Variants in CDK5RAP2 observed in about 807,000 individuals in gnomAD.
The protein encoded by CDK5RAP2 is CDK5 regulatory subunit-associated protein 2.
CDK5RAP2 carries 147 observed loss-of-function variants against 232.9 expected under a neutral mutation model. The observed-to-expected ratio is 0.63, with a 90% confidence interval of 0.55 to 0.72. CDK5RAP2 has a LOEUF of 0.72. Among genes scored for constraint, CDK5RAP2 ranks in the 30% least tolerant of loss-of-function variants. CDK5RAP2 has a pLI of 0.00. For missense variants in CDK5RAP2, 2,195 were observed against 2,231.5 expected (o/e 0.98, Z 0.33); for synonymous variants, 833 against 833.7 (o/e 1.00, Z 0.01).
chr9:120,468,672 G>A (rs2037520973), intron 17 of CDK5RAP2, among the ~76,000 whole-genome samples: 1 of 152,206 alleles, frequency 6.6e-6, no homozygotes, highest in African/African-American at 2.4e-5. Flanking sequence ...TGGGGTGTCT[G>A]GAGAATTAAA....
At position 120,579,954 on chromosome 9, in the gene CDK5RAP2, C is replaced by G; in HGVS notation, c.25G>C (p.Asp9His). 2 of 1,613,168 alleles carry G rather than the reference C, an allele frequency of 1.2e-6. No individual in the cohort carries two copies. Among genetic ancestry groups the G allele is most frequent in the East Asian group, 4.5e-5 (2 of 44,882 alleles). Reference protein sequence around the residue: MMDLVLEEDVTVPGTLSGC... With the variant: MMDLVLEEHVTVPGTLSGC... The stretch of plus-strand genomic sequence containing the variant: ...CTGAGCGTCCCAGGGACGGTGACGT[C>G]CTCTTCCAACACCAAGTCCATCATG... Residue 9 changes from aspartate (D) to histidine (H), a missense_variant, in exon 1 of 38, where the codon GAC becomes CAC. Transcript: ENST00000349780.
rs36054791 is a variant in CDK5RAP2, at chr9:120,409,378, A to G, written c.4415-62T>C. ...CATTTGTTTTTTCCAACCTTATTATATAAATACAGCACTTCAAGAATACAA... is the reference window on the plus strand; with the variant it reads ...CATTTGTTTTTTCCAACCTTATTATGTAAATACAGCACTTCAAGAATACAA... On this transcript the variant is annotated intron_variant, in intron 29 of 37. Transcript: ENST00000349780. 0.075 allele frequency: 86,888 copies of G among 1,157,806 alleles called. 3,828 individuals are homozygous for G. Among genetic ancestry groups the G allele is most frequent in the South Asian group, 0.16 (12,300 of 76,318 alleles). 71.7% of individuals were successfully genotyped at this position (1,157,806 alleles called of 1,614,324 possible).
chr9:120,458,668 G>A (rs1320086773), intron 19 of CDK5RAP2, 46 bp from the exon 20 acceptor site: 6 of 1,569,066 alleles, frequency 3.8e-6, no homozygotes, highest in Non-Finnish European at 5.3e-6. Flanking sequence ...AGGAGGAAGG[G>A]AATGGGGTGT....
chr9:120,518,210 TGAGAGAGAGAGAGA>T (rs146336954), intron 12 of CDK5RAP2, among the ~76,000 whole-genome samples: 1 of 43,934 alleles, frequency 2.3e-5, no homozygotes. Flanking sequence ...TGTGTGTGTG[TGAGAGAGAGAGAGA>T]GAGAGAGAGA....
At chr9:120,447,752 G>A (rs1165104025) in intron 22 of CDK5RAP2, 143 bp downstream of exon 22, 4 of 753,442 alleles carry the variant, frequency 5.3e-6, no homozygotes, top group African/African-American at 1.7e-5. Flanking sequence ...TTGTGCATTT[G>A]TCAAGAGTCA....
chr9:120,442,931 T>A (rs1327966127), intron 23 of CDK5RAP2, among the ~76,000 whole-genome samples: 1 of 152,134 alleles, frequency 6.6e-6, no homozygotes, highest in African/African-American at 2.4e-5. Context: ...ACAGAGTGAA[T>A]TAGATCTGGA....
chr9:120,476,122 G>T (rs1441874803), intron 15 of CDK5RAP2, among the ~76,000 whole-genome samples: 3 of 152,040 alleles, frequency 2.0e-5, no homozygotes, highest in African/African-American at 4.8e-5. Flanking sequence ...ACGATAAAGA[G>T]CTCACTATGG....
chr9:120,507,932 AAAAAAAAAAAATATAT>A (rs1277172717), intron 12 of CDK5RAP2, among the ~76,000 whole-genome samples: 11 of 73,062 alleles, frequency 1.5e-4, no homozygotes, highest in African/African-American at 4.0e-4. Flanking sequence ...AAAAAAAAAA[AAAAAAAAAAAATATAT>A]ATATATATAT....
chr9:120,447,762 A>G (rs2036271320), intron 22 of CDK5RAP2, 133 bp downstream of exon 22: 1 of 776,178 alleles, frequency 1.3e-6, no homozygotes, highest in African/African-American at 1.7e-5. Context: ...GTCAAGAGTC[A>G]AGATTAATCA....
At chr9:120,491,104 T>A (rs151057532) in intron 13 of CDK5RAP2, among the ~76,000 whole-genome samples, 281 of 152,332 alleles carry the variant, frequency 1.8e-3, no homozygotes, top group African/African-American at 6.2e-3. Flanking sequence ...TGACCCAGGA[T>A]ATGTTTCTTC....
chr9:120,572,096 G>A, intron 1 of CDK5RAP2, 55 bp from the exon 2 acceptor site: 1 of 1,337,838 alleles, frequency 7.5e-7, no homozygotes, highest in East Asian at 2.3e-5. Flanking sequence ...AACAGAGACT[G>A]TTAAGACGGT....
chr9:120,411,793 G>A lies in CDK5RAP2; in HGVS notation c.4298-319C>T, dbSNP rs990354767. Among the ~76,000 whole-genome samples the A allele has an allele frequency of 7.9e-5, 12 of 152,234 alleles. No homozygotes were observed. In the South Asian group the frequency reaches 1.5e-3, roughly 18 times the overall value. ...AAATTCATATCCAGCTGCCTGCCGC[G>A]CCTCACCACTGAGGCAGCTCTGTCA... On this transcript the variant is annotated intron_variant, in intron 28 of 37. Coordinates refer to ENST00000349780, the MANE Select transcript of CDK5RAP2 (RefSeq NM_018249.6).
intron 13 of CDK5RAP2, among the ~76,000 whole-genome samples, chr9:120,490,806 T>C (rs2038865157): frequency 6.6e-6 from 1 of 152,244 alleles, no homozygotes; most frequent in South Asian, 2.1e-4. Flanking sequence ...TCTTTCATTG[T>C]TATTTTAATG....
In CDK5RAP2 at chr9:120,554,637, G is replaced by T. The variant is rs543284938; in HGVS notation, c.196-3735C>A. On this transcript the variant is annotated intron_variant, in intron 3 of 37. Transcript: ENST00000349780. ...AAATGTGAAACTTTTTGTTTTTTTT[G>T]TTGTTGTTGTTGTTGAGACAGAGTC... 8.0e-3 allele frequency among the ~76,000 whole-genome samples: 1,204 copies of T among 151,216 alleles called. 16 individuals are homozygous for T. Among genetic ancestry groups the T allele is most frequent in the African/African-American group, 0.026 (1,069 of 41,304 alleles).
chr9:120,477,552 A>G lies in CDK5RAP2; in HGVS notation c.1627-102T>C. The G allele has an allele frequency of 4.3e-6, 4 of 936,272 alleles. No homozygotes were observed. In the South Asian group the frequency reaches 5.3e-5, roughly 12 times the overall value. 58.0% of individuals were successfully genotyped at this position (936,272 alleles called of 1,614,324 possible). On this transcript the variant is annotated intron_variant, in intron 14 of 37. Coordinates refer to ENST00000349780, the MANE Select transcript of CDK5RAP2 (RefSeq NM_018249.6). ...TAGCTAGTCCCAGTTTTTAAAATCA[A>G]ACGAAGGTGAGAGAGGCCCTGTGCC...
chr9:120,524,632 T>C (rs2040818891), intron 11 of CDK5RAP2, among the ~76,000 whole-genome samples: 1 of 151,216 alleles, frequency 6.6e-6, no homozygotes, highest in South Asian at 2.1e-4. Context: ...AGGGGGACTC[T>C]GTCTTAAAAA....
At chr9:120,422,464 T>C (rs1231858814) in intron 26 of CDK5RAP2, among the ~76,000 whole-genome samples, 1 of 152,168 alleles carries the variant, frequency 6.6e-6, no homozygotes, top group Non-Finnish European at 1.5e-5. Context: ...TCAAATCACC[T>C]GATAGAGATG....
Position 120,530,305 on chromosome 9 carries a change from G to A in CDK5RAP2, c.663-165C>T, listed in dbSNP as rs538311237. Among the ~76,000 whole-genome samples the A allele has an allele frequency of 8.5e-5, 13 of 152,228 alleles. No homozygotes were observed. In the South Asian group the frequency reaches 1.2e-3, roughly 15 times the overall value. The stretch of plus-strand genomic sequence containing the variant: ...GGTAGGAGATTAAGCGTCAGAATTC[G>A]TGTGACATTAACTGGTCCCCTGCCT... On this transcript the variant is annotated intron_variant, in intron 7 of 37. Coordinates refer to ENST00000349780, the MANE Select transcript of CDK5RAP2 (RefSeq NM_018249.6).
At chr9:120,547,399 T>G (rs1216482187) in intron 4 of CDK5RAP2, among the ~76,000 whole-genome samples, 1 of 151,216 alleles carries the variant, frequency 6.6e-6, no homozygotes, top group Non-Finnish European at 1.5e-5. Context: ...AGGTCAGGAG[T>G]TCGAGACCAG....
Sources: gnomAD v4.1 joint callset for allele counts (sites outside exome capture counted in the v4.1 genomes callset) on GRCh38, gnomAD v4.1.1 for gene constraint, MANE v1.5 for transcripts, NCBI Gene and HGNC (gene_info 2026-07-23, HGNC 2026-07-21) for gene names.